The following KCNH7 variants were observed in gnomAD, a reference collection of about 807,000 sequenced individuals.
KCNH7 encodes the protein potassium voltage-gated channel subfamily H member 7.
A neutral mutation model predicts 120.8 loss-of-function variants in KCNH7; 49 were observed. The ratio of observed to expected loss-of-function variants is 0.41; its 90% CI spans 0.32 to 0.51. The LOEUF (loss-of-function observed/expected upper bound fraction) is 0.51, where lower values mean the gene tolerates loss of function less well. Ranked by LOEUF, KCNH7 falls within the 20% of genes least tolerant of loss-of-function variation. The probability of loss-of-function intolerance (pLI) is 0.38; values close to 1 mark genes in which losing one functional copy is unlikely to be tolerated. For missense variants in KCNH7, 1,097 were observed against 1,446.6 expected, an observed-to-expected ratio of 0.76 and a Z score of 3.92; for synonymous variants, 547 against 516.1, an observed-to-expected ratio of 1.06 and a Z score of -0.81.
chr2:162,541,405 T>G (rs1692298769), intron 2 of KCNH7, among the ~76,000 whole-genome samples: 1 of 151,838 alleles, frequency 6.6e-6, no homozygotes, highest in Non-Finnish European at 1.5e-5. Flanking sequence ...TAATCAAGAT[T>G]GTGGTGCGTT....
chr2:162,650,117 C>T (rs937022148), intron 2 of KCNH7, among the ~76,000 whole-genome samples: 20 of 152,214 alleles, frequency 1.3e-4, no homozygotes, highest in African/African-American at 4.6e-4. Flanking sequence ...TGGCAGCACA[C>T]GGGCATTATC....
Position 162,808,725 on chromosome 2 carries a change from T to G in KCNH7, c.307+27812A>C, listed in dbSNP as rs139653792. Among the ~76,000 whole-genome samples, 77 of 151,714 alleles carry G rather than the reference T, an allele frequency of 5.1e-4. 1 individual carries two copies. In the East Asian group the frequency reaches 0.013, roughly 26 times the overall value. On this transcript the variant is annotated intron_variant, in intron 2 of 15. Coordinates refer to ENST00000332142, the MANE Select transcript of KCNH7 (RefSeq NM_033272.4). Reference sequence around the variant, plus strand: ...CATGCATATGCAACCTGTGTGTGCATATATATATTAAAGATATATATACAT... The same window carrying G: ...CATGCATATGCAACCTGTGTGTGCAGATATATATTAAAGATATATATACAT...
At chr2:162,508,630 G>T (rs1690963420) in intron 5 of KCNH7, among the ~76,000 whole-genome samples, 1 of 151,292 alleles carries the variant, frequency 6.6e-6, no homozygotes, top group Non-Finnish European at 1.5e-5. Flanking sequence ...ACTAAGGTAG[G>T]TATTAACAAT....
At chr2:162,613,887 G>GTCC (rs1683054438) in intron 2 of KCNH7, among the ~76,000 whole-genome samples, 1 of 151,666 alleles carries the variant, frequency 6.6e-6, no homozygotes, top group Non-Finnish European at 1.5e-5. Context: ...GACAGAAACA[G>GTCC]TGTTTAAATT....
Position 162,412,532 on chromosome 2 carries a change from C to T in KCNH7, c.2154+10804G>A, listed in dbSNP as rs183793040. 2.6e-3 allele frequency among the ~76,000 whole-genome samples: 390 copies of T among 152,116 alleles called. 1 individual carries two copies. The highest frequency in any genetic ancestry group is 8.9e-3 in the African/African-American group (369 of 41,504). ...GTTTTCTATATTTCCCAAGAAATAA[C>T]AGAGAAGAAAAATGGCCAGCTACTG... On this transcript the variant is annotated intron_variant, in intron 9 of 15. Coordinates refer to ENST00000332142, the MANE Select transcript of KCNH7 (RefSeq NM_033272.4).
At chr2:162,591,197 C>T (rs1694205381) in intron 2 of KCNH7, among the ~76,000 whole-genome samples, 1 of 152,038 alleles carries the variant, frequency 6.6e-6, no homozygotes, top group Admixed American at 6.6e-5. Flanking sequence ...TTATACATCA[C>T]CCAATTTATT....
chr2:162,567,101 C>A (rs1454617069), intron 2 of KCNH7, among the ~76,000 whole-genome samples: 1 of 151,832 alleles, frequency 6.6e-6, no homozygotes, highest in Non-Finnish European at 1.5e-5. Flanking sequence ...GTTGAGTTTT[C>A]TCCAAAGACA....
chr2:162,799,941 T>A (rs2105540022), intron 2 of KCNH7, among the ~76,000 whole-genome samples: 1 of 74,288 alleles, frequency 1.3e-5, no homozygotes, highest in East Asian at 2.9e-4. Context: ...TACTTTGTTT[T>A]ACACACATAC....
intron 2 of KCNH7, among the ~76,000 whole-genome samples, chr2:162,746,937 C>A (rs889334810): frequency 8.6e-5 from 13 of 151,992 alleles, no homozygotes; most frequent in African/African-American, 3.1e-4. Context: ...TTAAATGATC[C>A]TTTTAGCCAC....
At chr2:162,718,181 A>G (rs1417439605) in intron 2 of KCNH7, among the ~76,000 whole-genome samples, 1 of 151,776 alleles carries the variant, frequency 6.6e-6, no homozygotes, top group Admixed American at 6.6e-5. Context: ...TGCACCTAAA[A>G]TGTGACATGA....
At chr2:162,403,015 C>CT (rs35717420) in intron 9 of KCNH7, among the ~76,000 whole-genome samples, 1 of 151,962 alleles carries the variant, frequency 6.6e-6, no homozygotes, top group Admixed American at 6.6e-5. Flanking sequence ...AAATCAGTTT[C>CT]TTTTTTTGGG....
At chr2:162,701,044 T>C (rs550306484) in intron 2 of KCNH7, among the ~76,000 whole-genome samples, 1 of 152,312 alleles carries the variant, frequency 6.6e-6, no homozygotes, top group Non-Finnish European at 1.5e-5. Flanking sequence ...ATGCTGTTTA[T>C]AAGGAAGGAC....
At position 162,379,975 on chromosome 2, in the gene KCNH7, C is replaced by G. The variant is rs117261622; in HGVS notation, c.3009G>C (p.Gln1003His). The change falls in exon 14 of 16, where the codon CAG (glutamine) becomes CAC (histidine). Residue 1003 changes from glutamine to histidine, a missense_variant. Physicochemically the swap from Gln to His is conservative, Grantham distance 24 (BLOSUM62 0). Transcript: ENST00000332142. ...RSWERENAHP[Q>H]PEDSSPSALQ... ...GTGCAGATGGACTGGAGTCTTCAGG[C>G]TGGGGATGTGCATTTTCTCGTTCCC... 2 of 1,614,046 alleles carry G rather than the reference C, an allele frequency of 1.2e-6. No homozygotes were observed. The highest frequency in any genetic ancestry group is 1.7e-6 in the Non-Finnish European group (2 of 1,179,958).
chr2:162,737,497 T>C (rs1687957242), intron 2 of KCNH7, among the ~76,000 whole-genome samples: 1 of 152,044 alleles, frequency 6.6e-6, no homozygotes, highest in African/African-American at 2.4e-5. Flanking sequence ...GGGTGCAAGA[T>C]AAAATATAGA....
intron 3 of KCNH7, among the ~76,000 whole-genome samples, chr2:162,521,963 G>A (rs1170913867): frequency 6.6e-6 from 1 of 151,500 alleles, no homozygotes; most frequent in Non-Finnish European, 1.5e-5. Flanking sequence ...TTCTCTCTAT[G>A]GTAAAAGACA....
At chr2:162,535,813 C>A (rs535175145) in intron 3 of KCNH7, among the ~76,000 whole-genome samples, 1 of 151,434 alleles carries the variant, frequency 6.6e-6, no homozygotes, top group Non-Finnish European at 1.5e-5. Context: ...TGATTCTGAG[C>A]GATAGATAGA....
At chr2:162,585,040 A>G (rs1693983268) in intron 2 of KCNH7, among the ~76,000 whole-genome samples, 1 of 151,796 alleles carries the variant, frequency 6.6e-6, no homozygotes, top group Non-Finnish European at 1.5e-5. Flanking sequence ...AATACTAATC[A>G]ACACTTCACT....
chr2:162,493,892 G>A (rs1371143776), intron 6 of KCNH7, among the ~76,000 whole-genome samples: 3 of 152,100 alleles, frequency 2.0e-5, no homozygotes, highest in Non-Finnish European at 1.5e-5. Context: ...TGGAAGATTT[G>A]TAAAAAAGAA....
chr2:162,482,184 GA>G (rs752096711), intron 6 of KCNH7, among the ~76,000 whole-genome samples: 38 of 152,182 alleles, frequency 2.5e-4, no homozygotes, highest in Admixed American at 6.6e-4. Context: ...AACTTACCTG[GA>G]GATGATTTGG....
Sources: allele counts gnomAD v4.1 joint callset (sites outside exome capture counted in the v4.1 genomes callset), GRCh38; gene constraint gnomAD v4.1.1; transcripts MANE v1.5; gene names NCBI Gene and HGNC (gene_info 2026-07-23, HGNC 2026-07-21).